Variants in PNPLA7 observed in about 807,000 individuals in gnomAD.
PNPLA7 encodes patatin-like phospholipase domain-containing protein 7.
Under a neutral mutation model 161.7 loss-of-function variants are expected in PNPLA7, and 153 were observed. The observed-to-expected ratio is 0.95, with a 90% CI of 0.83 to 1.08. The LOEUF (loss-of-function observed/expected upper bound fraction) is 1.08. Ranked by LOEUF, PNPLA7 falls within the 50% of genes least tolerant of loss-of-function variation. The pLI, the probability that PNPLA7 is intolerant of heterozygous loss-of-function variation, is 0.00. For missense variants in PNPLA7, 1,739 were observed against 1,856.6 expected (o/e 0.94, Z 1.16); for synonymous variants, 809 against 782.1 (o/e 1.03, Z -0.57).
intron 8 of PNPLA7, among the ~76,000 whole-genome samples, chr9:137,528,915 T>C (rs558959527): frequency 1.3e-5 from 2 of 151,720 alleles, no homozygotes; most frequent in African/African-American, 4.8e-5. Flanking sequence ...TTAGCCAGGA[T>C]GGTCTCGATC....
At chr9:137,550,105 C>T in intron 1 of PNPLA7, 63 bp downstream of exon 1, 3 of 1,595,132 alleles carry the variant, frequency 1.9e-6, no homozygotes, top group Non-Finnish European at 2.6e-6. Context: ...GAGGACCCTT[C>T]TCTGGGTCCA....
intron 12 of PNPLA7, among the ~76,000 whole-genome samples, chr9:137,512,376 C>T (rs994254824): frequency 3.3e-5 from 5 of 152,262 alleles, no homozygotes; most frequent in South Asian, 2.1e-4. Context: ...CACAAACGCA[C>T]ACCACACGGC....
intron 12 of PNPLA7, among the ~76,000 whole-genome samples, chr9:137,513,861 A>G (rs1278842105): frequency 6.6e-6 from 1 of 152,270 alleles, no homozygotes; most frequent in African/African-American, 2.4e-5. Context: ...GAAAGTGGGC[A>G]GAGAATACGA....
At chr9:137,529,483 T>C (rs116105742) in intron 8 of PNPLA7, among the ~76,000 whole-genome samples, 13 of 152,250 alleles carry the variant, frequency 8.5e-5, no homozygotes, top group African/African-American at 3.1e-4. Context: ...GAATGTTGCC[T>C]TCTTTGTTTT....
chr9:137,517,748 G>C (rs1331432459), intron 11 of PNPLA7, among the ~76,000 whole-genome samples: 1 of 22,218 alleles, frequency 4.5e-5, no homozygotes, highest in Non-Finnish European at 7.4e-5. Context: ...TCCATCCCCC[G>C]TCACTCACTC....
chr9:137,494,064 CA>C (rs1832909461), intron 19 of PNPLA7, among the ~76,000 whole-genome samples: 1 of 152,134 alleles, frequency 6.6e-6, no homozygotes, highest in Non-Finnish European at 1.5e-5. Flanking sequence ...TGGTGAGAGG[CA>C]CTGGCCGTAA....
In PNPLA7 at chr9:137,486,885, T is replaced by C. The variant is rs1331633226; in HGVS notation, c.2198-2149A>G. Among the ~76,000 whole-genome samples the C allele has an allele frequency of 6.6e-6, 1 of 152,224 alleles. No individual in the cohort carries two copies. The highest frequency in any genetic ancestry group is 2.4e-5 in the African/African-American group (1 of 41,544). On this transcript the variant is annotated intron_variant, in intron 20 of 34. Transcript: ENST00000406427. The surrounding 1 kb of genome is among the most constrained non-coding windows in gnomAD (Gnocchi z 6.0). ...CCCATCTGCGGTCCCTGAGAGCTGC[T>C]GGTGACCCCCACACCACACAGCTCT...
chr9:137,509,744 TGAG>T (rs762918084), intron 12 of PNPLA7: 9 of 455,950 alleles, frequency 2.0e-5, no homozygotes, highest in Admixed American at 9.4e-5. Flanking sequence ...CGGATGAGGC[TGAG>T]GAGTAGACGC....
In PNPLA7 at chr9:137,540,429, G is replaced by A. The variant is rs965714547; in HGVS notation, c.747+213C>T. On this transcript the variant is annotated intron_variant, in intron 8 of 34. Coordinates refer to ENST00000406427, the MANE Select transcript of PNPLA7 (RefSeq NM_001098537.3). The surrounding 1 kb of genome is among the most constrained non-coding windows in gnomAD (Gnocchi z 5.1). ...AGTCATTTAAGAGACAACCAAAACC[G>A]TTAGCCACATGCCCGGCTATTCTTC... Among the ~76,000 whole-genome samples the A allele has an allele frequency of 1.3e-5, 2 of 152,206 alleles. No homozygotes were observed. Among genetic ancestry groups the A allele is most frequent in the Admixed American group, 6.5e-5 (1 of 15,276 alleles).
chr9:137,480,965 C>T lies in PNPLA7; in HGVS notation c.2406G>A (p.Leu802=), dbSNP rs961057472. 13 of 1,551,428 alleles carry T rather than the reference C, an allele frequency of 8.4e-6. No individual in the cohort carries two copies. The African/African-American group carries it at 1.4e-4, about 16-fold the overall frequency. ...NIKRRLGSAA[L]DSVHEYRLSS... ...TCGGGGCTGGCGGCACGCACCTGTC[C>T]AGGGCAGCGGAGCCAAGGCGCCGTT... Residue 802 remains leucine, a synonymous_variant, in exon 22 of 35, where the codon CTG becomes CTA. Transcript: ENST00000406427.
intron 14 of PNPLA7, among the ~76,000 whole-genome samples, 171 bp from the exon 15 acceptor site, chr9:137,501,898 T>C (rs1449848589): frequency 6.6e-6 from 1 of 152,218 alleles, no homozygotes; most frequent in African/African-American, 2.4e-5. Context: ...CTGGGCACCC[T>C]GCAGAGCCAC....
chr9:137,461,034 C>T (rs1831162593), intron 33 of PNPLA7: 1 of 420,666 alleles, frequency 2.4e-6, no homozygotes. Flanking sequence ...CCAGACCTGG[C>T]AACTGTGGAT....
intron 12 of PNPLA7, among the ~76,000 whole-genome samples, chr9:137,514,491 G>C (rs1459534760): frequency 7.3e-6 from 1 of 136,662 alleles, no homozygotes; most frequent in African/African-American, 2.8e-5. Flanking sequence ...CCTGTGGCCG[G>C]GTCACCTGAC....
chr9:137,503,679 G>C (rs1414297543), intron 14 of PNPLA7, among the ~76,000 whole-genome samples: 2 of 139,988 alleles, frequency 1.4e-5, no homozygotes, highest in East Asian at 2.1e-4. Context: ...GGAAGAAGGA[G>C]AAGGGGAGGG....
chr9:137,480,525 G>A, intron 22 of PNPLA7, 45 bp from the exon 23 acceptor site: 3 of 1,553,778 alleles, frequency 1.9e-6, no homozygotes, highest in Non-Finnish European at 1.7e-6. Flanking sequence ...CAGGGGCCTG[G>A]CACTCTTAGC....
In PNPLA7 at chr9:137,519,941, G is replaced by C. The variant is rs377479178; in HGVS notation, c.1060C>G (p.Arg354Gly). 2 of 1,612,640 alleles carry C rather than the reference G, an allele frequency of 1.2e-6. No individual in the cohort carries two copies. Among genetic ancestry groups the C allele is most frequent in the South Asian group, 1.1e-5 (1 of 91,072 alleles). The change falls in exon 11 of 35, where the codon CGG becomes GGG. Residue 354 changes from arginine (R) to glycine (G), a missense_variant. Arg to Gly is a moderately radical substitution (Grantham distance 125). Around this residue, in one of 6 missense-constraint regions of PNPLA7, gnomAD observed 481 missense variants for 450.0 expected, o/e 1.07. Transcript: ENST00000406427. ...CCTGAGTCACAGGACTCCTGGAGCC[G>C]CGGTGGCTTTTTAAGCCGCTCTTCT... ...GEEERLKKPP[R>G]LQESCDSDHG... is the part of the protein sequence containing the mutation.
intron 25 of PNPLA7, among the ~76,000 whole-genome samples, chr9:137,469,591 A>G (rs910681874): frequency 6.6e-6 from 1 of 152,254 alleles, no homozygotes; most frequent in East Asian, 1.9e-4. Context: ...GTGAGAGAGT[A>G]TATATTTACT....
intron 4 of PNPLA7, among the ~76,000 whole-genome samples, chr9:137,545,773 G>A (rs556760008): frequency 3.0e-4 from 45 of 152,316 alleles, no homozygotes; most frequent in African/African-American, 6.5e-4. Flanking sequence ...ACAAGAGTGC[G>A]AGCCTTCTGT....
At chr9:137,529,957 C>G (rs1269947670) in intron 8 of PNPLA7, among the ~76,000 whole-genome samples, 1 of 151,242 alleles carries the variant, frequency 6.6e-6, no homozygotes, top group Non-Finnish European at 1.5e-5. Flanking sequence ...CCGCGCCCAG[C>G]CTGAAGTTTG....
Sources: gnomAD v4.1 joint callset for allele counts (sites outside exome capture counted in the v4.1 genomes callset) on GRCh38, gnomAD v4.1.1 for gene constraint, gnomAD v4.1.1 regional missense constraint, Gnocchi (gnomAD v3.1) non-coding constraint, MANE v1.5 for transcripts, NCBI Gene and HGNC (gene_info 2026-07-23, HGNC 2026-07-21) for gene names.